The following RANBP2 variants were observed in gnomAD, a reference collection of about 807,000 sequenced individuals.
The protein encoded by RANBP2 is RAN binding protein 2.
In RANBP2, 57 loss-of-function variants were observed where a neutral mutation model predicts 303.6. That is an observed-to-expected ratio of 0.19 (90% CI 0.15 to 0.23). The LOEUF is 0.23. Ranked by LOEUF, RANBP2 falls within the 10% of genes least tolerant of loss-of-function variation. The probability of loss-of-function intolerance (pLI) is 1.00; values close to 1 mark genes in which losing one functional copy is unlikely to be tolerated. For synonymous variants in RANBP2, 1,167 were observed against 1,301.5 expected (o/e 0.90, Z 2.23); for missense variants, 3,138 against 3,780.8 (o/e 0.83, Z 4.46).
At chr2:109,132,249 A>T in the RANBP2 span, among the ~76,000 whole-genome samples, 111 of 152,302 alleles carry the variant, frequency 7.3e-4, no homozygotes, top group African/African-American at 2.6e-3. Context: ...CAATTAGGGT[A>T]TGTATACTTT....
chr2:109,262,764 T>C, the RANBP2 span, among the ~76,000 whole-genome samples: 4 of 152,226 alleles, frequency 2.6e-5, no homozygotes, highest in South Asian at 2.1e-4. Context: ...TTGGAAAATA[T>C]ATTACATTTA....
chr2:109,735,075 A>G, the RANBP2 span, among the ~76,000 whole-genome samples: 1 of 152,270 alleles, frequency 6.6e-6, no homozygotes, highest in African/African-American at 2.4e-5. Context: ...CTATAGTCAC[A>G]CTACAATGTT....
the RANBP2 span, among the ~76,000 whole-genome samples, chr2:109,276,699 G>C: frequency 6.6e-6 from 1 of 151,990 alleles, no homozygotes; most frequent in East Asian, 1.9e-4. Context: ...GACCCTTTTT[G>C]GCTTGTTTTA....
intron 17 of RANBP2, among the ~76,000 whole-genome samples, chr2:108,757,638 G>T (rs949795246): frequency 1.3e-5 from 2 of 152,166 alleles, no homozygotes; most frequent in African/African-American, 4.8e-5. Flanking sequence ...GCTAATTTGG[G>T]GAGGTAACGC....
chr2:109,382,353 GTGGGGCTGACTCAGCC>G, the RANBP2 span, among the ~76,000 whole-genome samples: 5,058 of 152,200 alleles, frequency 0.033, 115 homozygotes, highest in Non-Finnish European at 0.052. Flanking sequence ...GTCTGCTGCA[GTGGGGCTGACTCAGCC>G]TGGGGCTGAG....
At chr2:109,371,567 G>T in the RANBP2 span, 2 of 1,611,050 alleles carry the variant, frequency 1.2e-6, no homozygotes, top group African/African-American at 2.7e-5. Flanking sequence ...TTGTGTCCAC[G>T]GTGGACCCGG....
At chr2:108,725,179 C>T (rs1432775248) in intron 1 of RANBP2, among the ~76,000 whole-genome samples, 1 of 152,104 alleles carries the variant, frequency 6.6e-6, no homozygotes, top group East Asian at 1.9e-4. Context: ...CATCTGCTGT[C>T]ATGTAAAGAA....
the RANBP2 span, among the ~76,000 whole-genome samples, chr2:109,212,764 C>G: frequency 4.6e-5 from 7 of 152,224 alleles, no homozygotes; most frequent in South Asian, 6.2e-4. Context: ...CCTTCTCCCC[C>G]ACCCGTCAGT....
chr2:109,685,638 C>T, the RANBP2 span, among the ~76,000 whole-genome samples: 1 of 152,194 alleles, frequency 6.6e-6, no homozygotes, highest in African/African-American at 2.4e-5. Flanking sequence ...GCAGAGCAGC[C>T]CCATGAGATC....
the RANBP2 span, chr2:109,546,251 T>A: frequency 5.9e-6 from 9 of 1,526,232 alleles, no homozygotes; most frequent in Non-Finnish European, 7.9e-6. Context: ...GAAACAAAAG[T>A]GCAATCCCCA....
chr2:109,588,850 T>TAAAAAAAAAA, the RANBP2 span, among the ~76,000 whole-genome samples: 1 of 111,446 alleles, frequency 9.0e-6, no homozygotes, highest in African/African-American at 3.6e-5. Flanking sequence ...CAATTACTAT[T>TAAAAAAAAAA]AAAAAAAAAA....
At chr2:109,211,627 C>T in the RANBP2 span, among the ~76,000 whole-genome samples, 16 of 150,872 alleles carry the variant, frequency 1.1e-4, no homozygotes, top group Non-Finnish European at 1.6e-4. Flanking sequence ...ATGAGCCCTT[C>T]GGCCCTTCCT....
chr2:109,714,458 C>A, the RANBP2 span, among the ~76,000 whole-genome samples: 2 of 151,762 alleles, frequency 1.3e-5, no homozygotes, highest in Non-Finnish European at 2.9e-5. Context: ...TGCACCACCA[C>A]GCCTGGCTAA....
chr2:109,041,983 A>G, the RANBP2 span, among the ~76,000 whole-genome samples: 1,129 of 152,342 alleles, frequency 7.4e-3, 6 homozygotes, highest in East Asian at 0.035. Flanking sequence ...TAGAATAAAC[A>G]TAAATTACTT....
At chr2:109,137,054 T>A in the RANBP2 span, among the ~76,000 whole-genome samples, 2 of 152,216 alleles carry the variant, frequency 1.3e-5, no homozygotes, top group Non-Finnish European at 2.9e-5. Flanking sequence ...AGCGATTGCA[T>A]TGGTCTCTAT....
chr2:109,218,092 A>G, the RANBP2 span, among the ~76,000 whole-genome samples: 15 of 152,218 alleles, frequency 9.9e-5, no homozygotes, highest in African/African-American at 3.4e-4. Context: ...AGAGTAGTCA[A>G]TAGAGGTTTT....
the RANBP2 span, among the ~76,000 whole-genome samples, chr2:109,421,245 G>A: frequency 2.6e-4 from 39 of 152,360 alleles, no homozygotes; most frequent in South Asian, 7.7e-3. Flanking sequence ...TGCAGGTCAG[G>A]TTGCTGAGGC....
chr2:109,533,387 G>A, the RANBP2 span, among the ~76,000 whole-genome samples: 4 of 152,118 alleles, frequency 2.6e-5, no homozygotes, highest in African/African-American at 9.7e-5. Flanking sequence ...TACTAGACAC[G>A]CTTTGTTTCT....
At chr2:109,183,967 G>T in the RANBP2 span, among the ~76,000 whole-genome samples, 1 of 152,344 alleles carries the variant, frequency 6.6e-6, no homozygotes, top group Non-Finnish European at 1.5e-5. Flanking sequence ...CAGAGCCTCA[G>T]TTATTCTCTT....
Sources: allele counts gnomAD v4.1 joint callset (sites outside exome capture counted in the v4.1 genomes callset), GRCh38; gene constraint gnomAD v4.1.1; transcripts MANE v1.5; gene names NCBI Gene and HGNC (gene_info 2026-07-23, HGNC 2026-07-21).